KCNQ3: variants seen among roughly 807,000 people sequenced by gnomAD.
KCNQ3 encodes potassium voltage-gated channel subfamily Q member 3.
A neutral mutation model predicts 92.5 loss-of-function variants in KCNQ3; 30 were observed. The ratio of observed to expected loss-of-function variants is 0.32; its 90% CI spans 0.24 to 0.44. The LOEUF (loss-of-function observed/expected upper bound fraction) is 0.44, where lower values mean the gene tolerates loss of function less well. KCNQ3 is among the 20% of genes least tolerant of loss of function. The pLI, the probability that KCNQ3 is intolerant of heterozygous loss-of-function variation, is 1.00. For synonymous variants in KCNQ3, 450 were observed against 468.8 expected (o/e 0.96, Z 0.52); for missense variants, 913 against 1,140.3 (o/e 0.80, Z 2.87).
At chr8:132,381,281 C>T (rs954999531) in intron 1 of KCNQ3, among the ~76,000 whole-genome samples, 7 of 152,210 alleles carry the variant, frequency 4.6e-5, no homozygotes, top group Admixed American at 3.9e-4. Context: ...CTGTGTGAGA[C>T]AGTCCAACAC....
intron 1 of KCNQ3, among the ~76,000 whole-genome samples, chr8:132,425,945 T>C (rs1442019013): frequency 2.6e-5 from 4 of 152,244 alleles, no homozygotes; most frequent in Non-Finnish European, 5.9e-5. Context: ...CACTACAACA[T>C]GACAGTACAA....
At chr8:132,240,520 C>G (rs1342438541) in intron 1 of KCNQ3, among the ~76,000 whole-genome samples, 2 of 152,176 alleles carry the variant, frequency 1.3e-5, no homozygotes, top group Non-Finnish European at 2.9e-5. Context: ...TACCTCTATC[C>G]TCTGCCATGC....
intron 1 of KCNQ3, among the ~76,000 whole-genome samples, chr8:132,378,057 G>A (rs1374537200): frequency 6.6e-6 from 1 of 152,068 alleles, no homozygotes; most frequent in Admixed American, 6.6e-5. Context: ...AAAAAAAGTG[G>A]AAGATACTGA....
At chr8:132,234,760 G>T (rs1278482145) in intron 1 of KCNQ3, among the ~76,000 whole-genome samples, 1 of 152,148 alleles carries the variant, frequency 6.6e-6, no homozygotes, top group Non-Finnish European at 1.5e-5. Context: ...AAGTTGTCCA[G>T]CCCCATAGCT....
At chr8:132,375,669 T>C (rs1177080165) in intron 1 of KCNQ3, among the ~76,000 whole-genome samples, 1 of 152,208 alleles carries the variant, frequency 6.6e-6, no homozygotes, top group East Asian at 1.9e-4. Flanking sequence ...CTCCCTCTCC[T>C]AGGCTCTCCC....
At chr8:132,206,918 A>G (rs1285134459) in intron 1 of KCNQ3, among the ~76,000 whole-genome samples, 1 of 152,008 alleles carries the variant, frequency 6.6e-6, no homozygotes, top group Admixed American at 6.6e-5. Flanking sequence ...CTAGTTCTTT[A>G]AGATGCATTC....
At chr8:132,145,538 C>G (rs1825425121) in intron 9 of KCNQ3, among the ~76,000 whole-genome samples, 2 of 152,160 alleles carry the variant, frequency 1.3e-5, no homozygotes, top group Admixed American at 1.3e-4. Flanking sequence ...TGTTCCACAC[C>G]TAGTAAATCC....
chr8:132,186,706 C>A (rs1473071470), intron 1 of KCNQ3: 2 of 255,196 alleles, frequency 7.8e-6, no homozygotes, highest in African/African-American at 4.6e-5. Flanking sequence ...TTCATTTTTA[C>A]AGTCAATGGA....
intron 1 of KCNQ3, among the ~76,000 whole-genome samples, chr8:132,477,387 T>G (rs1822439478): frequency 6.7e-6 from 1 of 148,998 alleles, no homozygotes; most frequent in African/African-American, 2.5e-5. Context: ...ATTGTAGGCC[T>G]ATGGTAAGCC....
intron 1 of KCNQ3, among the ~76,000 whole-genome samples, chr8:132,462,645 A>G (rs1239017099): frequency 5.3e-5 from 8 of 152,228 alleles, no homozygotes; most frequent in African/African-American, 1.9e-4. Flanking sequence ...TCTGAAGCCA[A>G]TCCCAGCCCT....
At chr8:132,444,001 T>G (rs1374606911) in intron 1 of KCNQ3, among the ~76,000 whole-genome samples, 2 of 152,182 alleles carry the variant, frequency 1.3e-5, no homozygotes, top group Non-Finnish European at 2.9e-5. Flanking sequence ...CTTTTCTTCT[T>G]ATCAGAAACC....
At chr8:132,132,147 T>A (rs1824905051) in intron 14 of KCNQ3, 33 bp downstream of exon 14, 1 of 1,295,298 alleles carries the variant, frequency 7.7e-7, no homozygotes, top group Admixed American at 1.7e-5. Flanking sequence ...ATGTCACAGA[T>A]CCAGTTTTTG....
intron 1 of KCNQ3, among the ~76,000 whole-genome samples, chr8:132,405,281 C>G (rs1025204337): frequency 6.6e-6 from 1 of 152,114 alleles, no homozygotes; most frequent in Non-Finnish European, 1.5e-5. Flanking sequence ...GCTGCAAGGG[C>G]GGGTATGGGG....
chr8:132,149,262 A>T (rs1158284611), intron 9 of KCNQ3, among the ~76,000 whole-genome samples: 1 of 152,212 alleles, frequency 6.6e-6, no homozygotes, highest in Non-Finnish European at 1.5e-5. Flanking sequence ...GGCCGCAAAA[A>T]GTTCCTGCTG....
intron 8 of KCNQ3, among the ~76,000 whole-genome samples, chr8:132,164,908 G>C (rs919929940): frequency 6.6e-6 from 1 of 151,882 alleles, no homozygotes; most frequent in African/African-American, 2.4e-5. Context: ...TCTACCCATG[G>C]TCTCACCATC....
chr8:132,457,383 G>A (rs1032456063), intron 1 of KCNQ3, among the ~76,000 whole-genome samples: 1 of 152,170 alleles, frequency 6.6e-6, no homozygotes, highest in East Asian at 1.9e-4. Context: ...GGTTAAGAAA[G>A]GTCACACGCC....
intron 8 of KCNQ3, among the ~76,000 whole-genome samples, chr8:132,164,765 T>C (rs1472146080): frequency 6.6e-6 from 1 of 152,120 alleles, no homozygotes; most frequent in African/African-American, 2.4e-5. Flanking sequence ...GGAGAAAGTT[T>C]AAAGGATTAG....
rs987495961 is a variant in KCNQ3, at chr8:132,125,876, T to C, written c.*3386A>G. 1.3e-5 allele frequency: 2 copies of C among 152,254 alleles called. No individual in the cohort carries two copies. Among genetic ancestry groups the C allele is most frequent in the Non-Finnish European group, 2.9e-5 (2 of 68,046 alleles). 9.4% of individuals were successfully genotyped at this position (152,254 alleles called of 1,614,324 possible). A position where few individuals can be genotyped will look rare whatever the true frequency, so the allele number is the denominator to read the frequency against. On this transcript the variant is annotated 3_prime_UTR_variant, in exon 15 of 15. Transcript: ENST00000388996. Reference sequence around the variant, plus strand: ...TCAACAACACTTTCTCAATTTGATGTGTTTTTCTTTTCCTGAAATAATTTT... The same window carrying C: ...TCAACAACACTTTCTCAATTTGATGCGTTTTTCTTTTCCTGAAATAATTTT...
At chr8:132,412,291 T>A (rs1186587835) in intron 1 of KCNQ3, among the ~76,000 whole-genome samples, 1 of 151,224 alleles carries the variant, frequency 6.6e-6, no homozygotes, top group Non-Finnish European at 1.5e-5. Context: ...CCCAATAAAT[T>A]CTAATTCATA....
Sources: gnomAD v4.1 joint callset for allele counts (sites outside exome capture counted in the v4.1 genomes callset) on GRCh38, gnomAD v4.1.1 for gene constraint, MANE v1.5 for transcripts, NCBI Gene and HGNC (gene_info 2026-07-23, HGNC 2026-07-21) for gene names.